XPA: variants seen among roughly 807,000 people sequenced by gnomAD.
XPA encodes DNA repair protein complementing XP-A cells.
XPA carries 27 observed loss-of-function variants against 35.7 expected under a neutral mutation model. The observed-to-expected ratio is 0.76, with a 90% CI of 0.56 to 1.04. The LOEUF is 1.04. XPA is among the 50% of genes least tolerant of loss of function. The pLI is 0.00. For synonymous variants in XPA, 133 were observed against 118.4 expected (o/e 1.12, Z -0.80); for missense variants, 354 against 342.7 (o/e 1.03, Z -0.26).
chr9:97,693,720 G>T lies in XPA; in HGVS notation c.212C>A (p.Thr71Lys). 6.2e-7 allele frequency: 1 copy of T among 1,613,248 alleles called. No individual in the cohort carries two copies. The change falls in exon 2 of 6, where the codon ACA (threonine) becomes AAA (lysine). Residue 71 changes from threonine (T) to lysine (K), a missense_variant. Thr to Lys is a moderately conservative substitution (Grantham distance 78). Transcript: ENST00000375128. ...NVKAAPKIID[T>K]GGGFILEEEE... is the part of the protein sequence containing the mutation. Reference sequence around the variant, plus strand: ...CTCTTCTAAAATGAAGCCTCCTCCTGTGTCAATTATCTTTGGGGCTGCTTT... The same window carrying T: ...CTCTTCTAAAATGAAGCCTCCTCCTTTGTCAATTATCTTTGGGGCTGCTTT...
intron 5 of XPA, among the ~76,000 whole-genome samples, chr9:97,680,598 T>C (rs3176717): frequency 0.01 from 1,538 of 152,294 alleles, 26 homozygotes; most frequent in African/African-American, 0.035. Context: ...TTAAATGGCT[T>C]GGCAAAATAT....
chr9:97,654,601 A>G, the XPA span, among the ~76,000 whole-genome samples: 8 of 152,220 alleles, frequency 5.3e-5, no homozygotes, highest in South Asian at 8.3e-4. Context: ...GCTAAGCACA[A>G]TGAAACAATG....
At chr9:97,691,510 T>C (rs920155304) in intron 2 of XPA, among the ~76,000 whole-genome samples, 8 of 152,014 alleles carry the variant, frequency 5.3e-5, no homozygotes, top group Non-Finnish European at 1.2e-4. Flanking sequence ...GACACCAGCC[T>C]GGTCAACATG....
chr9:97,670,942 G>T, downstream of XPA: 1 of 483,192 alleles, frequency 2.1e-6, no homozygotes, highest in Non-Finnish European at 3.7e-6. Context: ...GGATTTTCAG[G>T]GGTCCATTGT....
At chr9:97,664,924 C>T in the XPA span, among the ~76,000 whole-genome samples, 3 of 152,140 alleles carry the variant, frequency 2.0e-5, no homozygotes, top group Non-Finnish European at 4.4e-5. Context: ...GGGTTCTCAC[C>T]ACAGTCATAA....
intron 5 of XPA, among the ~76,000 whole-genome samples, chr9:97,676,578 T>TCAAA (rs1828372867): frequency 6.6e-6 from 1 of 152,186 alleles, no homozygotes; most frequent in Non-Finnish European, 1.5e-5. Context: ...ATAAGTAGTA[T>TCAAA]CAAAATACTA....
At chr9:97,669,959 G>A (rs1828134080), downstream of XPA, 1 of 490,958 alleles carries the variant, frequency 2.0e-6, no homozygotes, top group South Asian at 1.9e-5. Flanking sequence ...ATCTCACTCT[G>A]TTGCCCAGGC....
chr9:97,660,855 T>TA, the XPA span: 15 of 1,438,070 alleles, frequency 1.0e-5, no homozygotes, highest in Admixed American at 2.5e-5. Flanking sequence ...AGGAAGAATT[T>TA]AAAAAAAATT....
At chr9:97,670,287 AG>A (rs1450530286), downstream of XPA, among the ~76,000 whole-genome samples, 1 of 152,216 alleles carries the variant, frequency 6.6e-6, no homozygotes, top group Non-Finnish European at 1.5e-5. Flanking sequence ...AAATATCAAG[AG>A]GACAGTAATT....
chr9:97,682,125 T>C, intron 5 of XPA: 1 of 374,274 alleles, frequency 2.7e-6, no homozygotes, highest in Non-Finnish European at 5.2e-6. Flanking sequence ...AAAATTCTTT[T>C]TGGTAGTAAG....
chr9:97,668,613 A>G, the XPA span, among the ~76,000 whole-genome samples: 6 of 152,150 alleles, frequency 3.9e-5, no homozygotes, highest in African/African-American at 1.4e-4. Context: ...AGTGCCACTA[A>G]ATTTCCCTGG....
At chr9:97,655,940 A>G in the XPA span, 1 of 1,451,876 alleles carries the variant, frequency 6.9e-7, no homozygotes. Flanking sequence ...AAGTTAACAG[A>G]TAATTATAGT....
intron 3 of XPA, among the ~76,000 whole-genome samples, chr9:97,689,105 A>T (rs924086357): frequency 1.3e-5 from 2 of 152,214 alleles, no homozygotes; most frequent in African/African-American, 4.8e-5. Flanking sequence ...CAAAAGATGA[A>T]TGAAAAAGGT....
chr9:97,686,964 A>C, intron 4 of XPA, 132 bp downstream of exon 4: 1 of 833,498 alleles, frequency 1.2e-6, no homozygotes. Context: ...ATTATACATG[A>C]CTGTGAAGCA....
chr9:97,661,720 A>G, the XPA span, among the ~76,000 whole-genome samples: 1 of 147,746 alleles, frequency 6.8e-6, no homozygotes, highest in South Asian at 2.2e-4. Context: ...ATCTTAAGAC[A>G]TAAGCTTAAG....
At chr9:97,666,337 AG>A in the XPA span, among the ~76,000 whole-genome samples, 1 of 152,226 alleles carries the variant, frequency 6.6e-6, no homozygotes, top group Non-Finnish European at 1.5e-5. Flanking sequence ...AGTGTGTGCT[AG>A]TTAAATAATA....
At chr9:97,664,748 G>C in the XPA span, among the ~76,000 whole-genome samples, 5 of 152,304 alleles carry the variant, frequency 3.3e-5, no homozygotes, top group South Asian at 1.0e-3. Context: ...TATGTGCAGA[G>C]TCTCAGCTAG....
intron 5 of XPA, among the ~76,000 whole-genome samples, chr9:97,678,596 C>G (rs1038305364): frequency 6.6e-6 from 1 of 152,182 alleles, no homozygotes; most frequent in Admixed American, 6.5e-5. Flanking sequence ...AGAATGCTGA[C>G]TGCCAATTGC....
intron 5 of XPA, among the ~76,000 whole-genome samples, chr9:97,677,717 A>T (rs1314820504): frequency 6.6e-6 from 1 of 151,790 alleles, no homozygotes; most frequent in African/African-American, 2.4e-5. Context: ...ACAGAACATA[A>T]GAAAGTATTT....
Sources: allele counts gnomAD v4.1 joint callset (sites outside exome capture counted in the v4.1 genomes callset), GRCh38; gene constraint gnomAD v4.1.1; transcripts MANE v1.5; gene names NCBI Gene and HGNC (gene_info 2026-07-23, HGNC 2026-07-21).